The following GNG7 variants were observed in gnomAD, a reference collection of about 807,000 sequenced individuals.
The protein encoded by GNG7 is G protein subunit gamma 7.
Under a neutral mutation model 4.0 loss-of-function variants are expected in GNG7, and 1 was observed. That is an observed-to-expected ratio of 0.25 (90% CI 0.09 to 1.18). The LOEUF is 1.18. Ranked by LOEUF, GNG7 falls within the 50% of genes most tolerant of loss-of-function variation. The pLI, the probability that GNG7 is intolerant of heterozygous loss-of-function variation, is 0.50. For synonymous variants in GNG7, 34 were observed against 36.9 expected, an observed-to-expected ratio of 0.92 and a Z score of 0.29; for missense variants, 86 against 91.9, an observed-to-expected ratio of 0.94 and a Z score of 0.26.
chr19:2,584,883 AGAGG>A (rs1315002446), intron 2 of GNG7, among the ~76,000 whole-genome samples: 2 of 7,350 alleles, frequency 2.7e-4, no homozygotes, highest in Non-Finnish European at 2.1e-4. Flanking sequence ...AGGGAGGGAT[AGAGG>A]GAGGGAGGGA....
chr19:2,608,234 G>A (rs962043513), intron 2 of GNG7, among the ~76,000 whole-genome samples: 6 of 152,048 alleles, frequency 3.9e-5, no homozygotes, highest in African/African-American at 1.4e-4. Flanking sequence ...AAAGAGCGGG[G>A]ATGTCTGAGG....
At chr19:2,604,891 G>C (rs146774066) in intron 2 of GNG7, among the ~76,000 whole-genome samples, 1 of 152,318 alleles carries the variant, frequency 6.6e-6, no homozygotes, top group East Asian at 1.9e-4. Context: ...GAAATCCTGG[G>C]ATGAACTAGA....
chr19:2,572,021 T>C (rs1360947384), intron 2 of GNG7, among the ~76,000 whole-genome samples: 2 of 152,044 alleles, frequency 1.3e-5, no homozygotes, highest in Admixed American at 6.6e-5. Flanking sequence ...TGTTGTTTTG[T>C]TTTGTTTTGT....
At chr19:2,692,363 C>T (rs1459604983) in intron 1 of GNG7, among the ~76,000 whole-genome samples, 3 of 151,682 alleles carry the variant, frequency 2.0e-5, no homozygotes, top group African/African-American at 4.9e-5. Context: ...AGGCCGGGCG[C>T]GGTGGCTCAC....
chr19:2,612,510 C>T (rs568545598), intron 2 of GNG7, among the ~76,000 whole-genome samples: 1 of 152,072 alleles, frequency 6.6e-6, no homozygotes, highest in Non-Finnish European at 1.5e-5. Flanking sequence ...AGCCAGGACC[C>T]CCCCCAGGCA....
Position 2,681,185 on chromosome 19 carries a change from T to C in GNG7, c.-135+21461A>G, listed in dbSNP as rs113054233. On this transcript the variant is annotated intron_variant, in intron 1 of 4. Transcript: ENST00000382159. The stretch of plus-strand genomic sequence containing the variant: ...ATTTTTTTTGTAGCAACCAACTTTT[T>C]TTATTTTATTGTTTTTGAGACGGAG... Among the ~76,000 whole-genome samples, 843 of 151,936 alleles carry C rather than the reference T, an allele frequency of 5.5e-3. 12 individuals carry two copies. The highest frequency in any genetic ancestry group is 0.019 in the African/African-American group (801 of 41,414).
chr19:2,623,301 C>G (rs1568265930), intron 2 of GNG7, among the ~76,000 whole-genome samples: 1 of 152,040 alleles, frequency 6.6e-6, no homozygotes, highest in East Asian at 1.9e-4. Flanking sequence ...GCCTGGGCAA[C>G]AGAGCAAGAC....
At chr19:2,643,127 G>T (rs547870647) in intron 2 of GNG7, 10 of 453,498 alleles carry the variant, frequency 2.2e-5, no homozygotes, top group Non-Finnish European at 4.0e-5. Context: ...GCCCTCTCCG[G>T]GCTCTGCACA....
chr19:2,561,936 T>A (rs1393294580), intron 2 of GNG7, among the ~76,000 whole-genome samples: 2 of 152,108 alleles, frequency 1.3e-5, no homozygotes, highest in East Asian at 1.9e-4. Flanking sequence ...GAAAAGCACC[T>A]GAGAGCAAAG....
intron 1 of GNG7, among the ~76,000 whole-genome samples, chr19:2,650,017 T>C (rs1189903539): frequency 6.6e-6 from 1 of 152,104 alleles, no homozygotes; most frequent in Non-Finnish European, 1.5e-5. Context: ...GCATCCATGC[T>C]GTGACCTGTG....
intron 2 of GNG7, among the ~76,000 whole-genome samples, chr19:2,564,412 C>T (rs1979839505): frequency 6.6e-6 from 1 of 152,110 alleles, no homozygotes; most frequent in Non-Finnish European, 1.5e-5. Flanking sequence ...GAAACCCCAT[C>T]TCTACCAAAA....
chr19:2,518,396 C>T (rs957095266), intron 4 of GNG7, among the ~76,000 whole-genome samples: 5 of 152,188 alleles, frequency 3.3e-5, no homozygotes, highest in African/African-American at 7.2e-5. Context: ...CTTTTCAGCC[C>T]GAAGGAATGC....
chr19:2,679,921 A>G (rs1354246624), intron 1 of GNG7, among the ~76,000 whole-genome samples: 1 of 152,130 alleles, frequency 6.6e-6, no homozygotes, highest in Non-Finnish European at 1.5e-5. Context: ...AATCCCTTAA[A>G]ACAGAACCAG....
intron 3 of GNG7, among the ~76,000 whole-genome samples, chr19:2,537,239 G>A (rs566687868): frequency 5.3e-5 from 8 of 151,942 alleles, no homozygotes; most frequent in East Asian, 3.9e-4. Flanking sequence ...ATGAGCCACC[G>A]CGCCCGGCCA....
At chr19:2,683,983 C>T (rs1233489542) in intron 1 of GNG7, among the ~76,000 whole-genome samples, 1 of 152,142 alleles carries the variant, frequency 6.6e-6, no homozygotes, top group South Asian at 2.1e-4. Flanking sequence ...GGACAAAAAT[C>T]CCACCGGGCA....
chr19:2,677,143 G>A (rs533642183), intron 1 of GNG7, among the ~76,000 whole-genome samples: 1 of 152,258 alleles, frequency 6.6e-6, no homozygotes, highest in South Asian at 2.1e-4. Context: ...AGCAGGATCT[G>A]GGAACGTCCT....
At chr19:2,571,623 T>C (rs1467662538) in intron 2 of GNG7, among the ~76,000 whole-genome samples, 2 of 125,134 alleles carry the variant, frequency 1.6e-5, no homozygotes, top group Non-Finnish European at 3.2e-5. Context: ...TGAGATGGAG[T>C]CTTGCTCTGT....
rs114601546 is a variant in GNG7, at chr19:2,513,286, G to T, written c.*1736C>A. The T allele has an allele frequency of 6.2e-3, 2,143 of 348,378 alleles. 34 individuals are homozygous for T. Among genetic ancestry groups the T allele is most frequent in the African/African-American group, 0.044 (1,983 of 44,998 alleles). 21.6% of individuals were successfully genotyped at this position (348,378 alleles called of 1,614,324 possible). On this transcript the variant is annotated 3_prime_UTR_variant, in exon 5 of 5. Coordinates refer to ENST00000382159, the MANE Select transcript of GNG7 (RefSeq NM_052847.3). ...ACCCTCTCGGCACGGGTTCTTAGAC[G>T]CCTGTCTCCACTGGGGCCGGAGGGA...
At chr19:2,554,878 T>C (rs1979499279) in intron 3 of GNG7, among the ~76,000 whole-genome samples, 1 of 152,178 alleles carries the variant, frequency 6.6e-6, no homozygotes, top group African/African-American at 2.4e-5. Flanking sequence ...TGTATCTATA[T>C]GCTTGTTTAA....
Sources: gnomAD v4.1 joint callset for allele counts (sites outside exome capture counted in the v4.1 genomes callset) on GRCh38, gnomAD v4.1.1 for gene constraint, MANE v1.5 for transcripts, NCBI Gene and HGNC (gene_info 2026-07-23, HGNC 2026-07-21) for gene names.